Variants in FOXP2 observed in about 807,000 individuals in gnomAD.
The protein encoded by FOXP2 is forkhead box protein P2.
In FOXP2, 12 loss-of-function variants were observed where a neutral mutation model predicts 115.8. The observed-to-expected ratio is 0.10, with a 90% CI of 0.07 to 0.17. The LOEUF is 0.17. FOXP2 is among the 10% of genes least tolerant of loss of function. The pLI is 1.00. For synonymous variants in FOXP2, 328 were observed against 297.7 expected, an observed-to-expected ratio of 1.10 and a Z score of -1.05; for missense variants, 629 against 843.5, an observed-to-expected ratio of 0.75 and a Z score of 3.15.
At chr7:114,376,928 CAA>C (rs536931478) in intron 2 of FOXP2, among the ~76,000 whole-genome samples, 48 of 152,238 alleles carry the variant, frequency 3.2e-4, no homozygotes, top group African/African-American at 1.1e-3. Context: ...AGATATAACA[CAA>C]GAGAACCTCT....
intron 2 of FOXP2, among the ~76,000 whole-genome samples, chr7:114,531,604 T>C (rs1799145416): frequency 6.6e-6 from 1 of 151,898 alleles, no homozygotes; most frequent in African/African-American, 2.4e-5. Context: ...TTTTTTGTTC[T>C]CCCACCTCTT....
chr7:114,529,776 A>T (rs1799051225), intron 2 of FOXP2, among the ~76,000 whole-genome samples: 1 of 151,804 alleles, frequency 6.6e-6, no homozygotes, highest in African/African-American at 2.4e-5. Context: ...TAGATGATTA[A>T]TTTTCTTCTA....
At chr7:114,644,644 G>A in intron 7 of FOXP2, 41 bp from the exon 8 acceptor site, 1 of 1,555,460 alleles carries the variant, frequency 6.4e-7, no homozygotes. Flanking sequence ...AACGATTATA[G>A]CTTTTTGAGA....
chr7:114,202,950 T>C (rs1794107296), intron 1 of FOXP2, among the ~76,000 whole-genome samples: 1 of 151,962 alleles, frequency 6.6e-6, no homozygotes, highest in Admixed American at 6.6e-5. Context: ...TAAAAAATGT[T>C]TTCTACTATT....
At chr7:114,522,235 G>T (rs931653209) in intron 2 of FOXP2, among the ~76,000 whole-genome samples, 1 of 152,096 alleles carries the variant, frequency 6.6e-6, no homozygotes, top group Non-Finnish European at 1.5e-5. Flanking sequence ...TTCCTGGTTT[G>T]GGATTTTATA....
At chr7:114,418,021 C>T (rs186874645) in intron 1 of FOXP2, among the ~76,000 whole-genome samples, 1 of 152,014 alleles carries the variant, frequency 6.6e-6, no homozygotes, top group Admixed American at 6.6e-5. Flanking sequence ...ACTTTCTGTG[C>T]ATTCAGATTT....
chr7:114,311,255 T>C (rs1030493478), intron 2 of FOXP2, among the ~76,000 whole-genome samples: 9 of 152,242 alleles, frequency 5.9e-5, no homozygotes, highest in African/African-American at 1.7e-4. Context: ...TGACCTGTTG[T>C]AACATTTTCC....
At chr7:114,555,861 C>T (rs1192301466) in intron 3 of FOXP2, among the ~76,000 whole-genome samples, 1 of 151,954 alleles carries the variant, frequency 6.6e-6, no homozygotes. Context: ...TTACATGGCT[C>T]CACCATGGAG....
intron 2 of FOXP2, among the ~76,000 whole-genome samples, chr7:114,466,157 CA>C (rs1212823961): frequency 6.6e-6 from 1 of 152,184 alleles, no homozygotes; most frequent in African/African-American, 2.4e-5. Flanking sequence ...TTCCAAACCT[CA>C]GTTCCTCACC....
chr7:114,234,806 C>A (rs1173384326), intron 1 of FOXP2, among the ~76,000 whole-genome samples: 1 of 152,118 alleles, frequency 6.6e-6, no homozygotes, highest in Non-Finnish European at 1.5e-5. Flanking sequence ...TTTTTCAGCT[C>A]CTTGACCTCT....
At chr7:114,650,724 A>C (rs1169056011) in intron 8 of FOXP2, among the ~76,000 whole-genome samples, 1 of 151,928 alleles carries the variant, frequency 6.6e-6, no homozygotes, top group Non-Finnish European at 1.5e-5. Context: ...GAGAGCAGAC[A>C]GGTATAGTGG....
At position 114,462,698 on chromosome 7, in the gene FOXP2, A is replaced by G. The variant is rs777645732; in HGVS notation, c.168+36019A>G. ...TCAGCATAGTATCTTTTCACATCAT[A>G]GTCTTTGAGCTGATATTTTCCTTTT... is the stretch of plus-strand genomic sequence containing the variant. On this transcript the variant is annotated intron_variant, in intron 2 of 16. Transcript: ENST00000350908. 3.9e-4 allele frequency among the ~76,000 whole-genome samples: 59 copies of G among 152,122 alleles called. 1 individual carries two copies. Among genetic ancestry groups the G allele is most frequent in the Middle Eastern group, 6.8e-3 (2 of 294 alleles).
At chr7:114,514,407 TC>T (rs1798227498) in intron 2 of FOXP2, among the ~76,000 whole-genome samples, 1 of 152,008 alleles carries the variant, frequency 6.6e-6, no homozygotes, top group Non-Finnish European at 1.5e-5. Flanking sequence ...GACCAACATC[TC>T]CCCAATCCCT....
intron 2 of FOXP2, among the ~76,000 whole-genome samples, chr7:114,428,246 T>C (rs1378242718): frequency 6.6e-6 from 1 of 151,636 alleles, no homozygotes; most frequent in African/African-American, 2.4e-5. Context: ...TGATAGGTTA[T>C]GAAAAAATGC....
rs564527365 is a variant in FOXP2, at chr7:114,260,725, T to C, written c.-101-27294T>C. On this transcript the variant is annotated intron_variant, in intron 1 of 17. Transcript: ENST00000634411. ...CACAAACACACACACACCTTTCATA[T>C]TCCAGTTTATTCTTTCCAATTTAAA... Among the ~76,000 whole-genome samples the C allele has an allele frequency of 1.2e-4, 19 of 152,308 alleles. No homozygotes were observed. In the South Asian group the frequency reaches 3.9e-3, roughly 32 times the overall value.
At chr7:114,500,181 C>A (rs1202745938) in intron 2 of FOXP2, among the ~76,000 whole-genome samples, 11 of 149,564 alleles carry the variant, frequency 7.4e-5, no homozygotes, top group Non-Finnish European at 1.5e-4. Flanking sequence ...ACGCAACTGC[C>A]CTCCAGTCTG....
intron 7 of FOXP2, among the ~76,000 whole-genome samples, 185 bp downstream of exon 7, chr7:114,642,808 A>ATTTT (rs1470050405): frequency 1.2e-4 from 7 of 58,466 alleles, no homozygotes; most frequent in South Asian, 1.1e-3. Flanking sequence ...ATATATATAT[A>ATTTT]TATATTTTTT....
intron 16 of FOXP2, 56 bp downstream of exon 16, chr7:114,664,492 A>T: frequency 6.3e-7 from 1 of 1,599,694 alleles, no homozygotes; most frequent in Non-Finnish European, 8.5e-7. Context: ...TATGCTTCTT[A>T]AATTTAGAAT....
intron 6 of FOXP2, among the ~76,000 whole-genome samples, chr7:114,632,827 T>C (rs887573475): frequency 1.3e-5 from 2 of 152,148 alleles, no homozygotes; most frequent in Non-Finnish European, 2.9e-5. Flanking sequence ...CCTGTTTTTC[T>C]GAGTTATTCT....
Sources: gnomAD v4.1 joint callset for allele counts (sites outside exome capture counted in the v4.1 genomes callset) on GRCh38, gnomAD v4.1.1 for gene constraint, MANE v1.5 for transcripts, NCBI Gene and HGNC (gene_info 2026-07-23, HGNC 2026-07-21) for gene names.